Variants in HMGCLL1 observed in about 807,000 individuals in gnomAD.
HMGCLL1 encodes the protein 3-hydroxymethyl-3-methylglutaryl-CoA lyase, cytoplasmic.
Under a neutral mutation model 39.1 loss-of-function variants are expected in HMGCLL1, and 36 were observed. The ratio of observed to expected loss-of-function variants is 0.92; its 90% CI spans 0.71 to 1.22. The LOEUF (loss-of-function observed/expected upper bound fraction) is 1.22, where lower values mean the gene tolerates loss of function less well. Among genes scored for constraint, HMGCLL1 ranks in the 50% most tolerant of loss-of-function variants. HMGCLL1 has a pLI of 0.00. For synonymous variants in HMGCLL1, 149 were observed against 144.0 expected (o/e 1.03, Z -0.25); for missense variants, 451 against 416.5 (o/e 1.08, Z -0.72).
At chr6:55,479,968 CA>C (rs1561907428) in intron 7 of HMGCLL1, among the ~76,000 whole-genome samples, 3 of 151,416 alleles carry the variant, frequency 2.0e-5, no homozygotes, top group Non-Finnish European at 4.4e-5. Flanking sequence ...TTTTTTCCTT[CA>C]AAAATTTAAA....
chr6:55,537,097 G>GT (rs1769078098), intron 3 of HMGCLL1, among the ~76,000 whole-genome samples: 1 of 148,958 alleles, frequency 6.7e-6, no homozygotes. Flanking sequence ...GACTTCATAA[G>GT]ATTTTTTTTC....
the HMGCLL1 span, among the ~76,000 whole-genome samples, chr6:55,608,246 G>C: frequency 1.3e-5 from 2 of 152,094 alleles, no homozygotes; most frequent in African/African-American, 4.8e-5. Flanking sequence ...TGTACTCCAT[G>C]GGGACACTGT....
chr6:55,669,892 T>C, the HMGCLL1 span, among the ~76,000 whole-genome samples: 1 of 151,810 alleles, frequency 6.6e-6, no homozygotes, highest in Non-Finnish European at 1.5e-5. Context: ...ATGATGTTGT[T>C]GAAGTCCCGG....
At chr6:55,461,955 C>T (rs768575819) in intron 7 of HMGCLL1, among the ~76,000 whole-genome samples, 4 of 152,052 alleles carry the variant, frequency 2.6e-5, no homozygotes, top group Non-Finnish European at 4.4e-5. Context: ...TGATTGTTAA[C>T]TAATATGGCA....
chr6:55,502,124 G>T (rs1766922285), intron 5 of HMGCLL1, among the ~76,000 whole-genome samples: 1 of 151,670 alleles, frequency 6.6e-6, no homozygotes, highest in African/African-American at 2.4e-5. Context: ...GTCAGCAAAT[G>T]GTTTCATTTC....
the HMGCLL1 span, among the ~76,000 whole-genome samples, chr6:55,636,307 T>TAAAC: frequency 6.6e-6 from 1 of 152,150 alleles, no homozygotes; most frequent in South Asian, 2.1e-4. Context: ...AGGGTATATG[T>TAAAC]AAACATTCAG....
At chr6:55,510,316 A>C (rs1348523582) in intron 5 of HMGCLL1, among the ~76,000 whole-genome samples, 1 of 151,960 alleles carries the variant, frequency 6.6e-6, no homozygotes, top group Non-Finnish European at 1.5e-5. Context: ...ACTATAAATC[A>C]TGCTGCTATA....
At chr6:55,475,597 A>G (rs1481235916) in intron 7 of HMGCLL1, among the ~76,000 whole-genome samples, 1 of 151,650 alleles carries the variant, frequency 6.6e-6, no homozygotes, top group Non-Finnish European at 1.5e-5. Context: ...AACTCTTTAC[A>G]TTTGGAGCTA....
the HMGCLL1 span, among the ~76,000 whole-genome samples, chr6:55,609,349 C>A: frequency 3.2e-4 from 48 of 152,186 alleles, 1 homozygote; most frequent in African/African-American, 1.1e-3. Context: ...CTGCTGGAGC[C>A]GGGGAAACTG....
intron 7 of HMGCLL1, among the ~76,000 whole-genome samples, chr6:55,459,818 T>TGTAG (rs146634116): frequency 0.08 from 12,228 of 151,988 alleles, 548 homozygotes; most frequent in African/African-American, 0.12. Flanking sequence ...TTGTTGAATA[T>TGTAG]ATATACAGAT....
chr6:55,555,969 G>A (rs59493948), intron 1 of HMGCLL1, among the ~76,000 whole-genome samples: 3,887 of 152,174 alleles, frequency 0.026, 164 homozygotes, highest in African/African-American at 0.089. Flanking sequence ...TGGTATTACT[G>A]GCCATAATAA....
chr6:55,612,704 G>T, the HMGCLL1 span, among the ~76,000 whole-genome samples: 1 of 152,120 alleles, frequency 6.6e-6, no homozygotes, highest in Non-Finnish European at 1.5e-5. Flanking sequence ...ATGGGGAAAG[G>T]ATTCCCTATT....
intron 7 of HMGCLL1, among the ~76,000 whole-genome samples, chr6:55,490,658 T>C (rs1356937168): frequency 2.0e-5 from 3 of 152,158 alleles, no homozygotes; most frequent in Admixed American, 1.3e-4. Flanking sequence ...CTTTTATATG[T>C]GTTATTTTTA....
the HMGCLL1 span, among the ~76,000 whole-genome samples, chr6:55,614,271 T>C: frequency 6.6e-6 from 1 of 152,144 alleles, no homozygotes; most frequent in Non-Finnish European, 1.5e-5. Flanking sequence ...ATTTAGTTCA[T>C]GAGAGTGGAG....
chr6:55,459,848 T>G (rs73447015), intron 7 of HMGCLL1, among the ~76,000 whole-genome samples: 12,218 of 152,002 alleles, frequency 0.08, 549 homozygotes, highest in African/African-American at 0.12. Context: ...GGTAGGTAAA[T>G]ATATAGATAT....
the HMGCLL1 span, among the ~76,000 whole-genome samples, chr6:55,591,509 A>T: frequency 6.6e-6 from 1 of 151,872 alleles, no homozygotes; most frequent in Non-Finnish European, 1.5e-5. Flanking sequence ...CATTTATAAA[A>T]ACATCTATGT....
At chr6:55,537,995 G>C (rs1258895465) in intron 3 of HMGCLL1, among the ~76,000 whole-genome samples, 1 of 152,056 alleles carries the variant, frequency 6.6e-6, no homozygotes. Flanking sequence ...CTCACAAAGG[G>C]ACTGCCTTTT....
At chr6:55,567,460 A>C (rs1771273440) in intron 1 of HMGCLL1, among the ~76,000 whole-genome samples, 1 of 152,124 alleles carries the variant, frequency 6.6e-6, no homozygotes, top group Non-Finnish European at 1.5e-5. Context: ...AAAATCATCA[A>C]TCATCTTACT....
chr6:55,557,387 T>C (rs1391550472), intron 1 of HMGCLL1, among the ~76,000 whole-genome samples: 2 of 152,104 alleles, frequency 1.3e-5, no homozygotes, highest in Non-Finnish European at 2.9e-5. Flanking sequence ...TCTGTGCTCC[T>C]GGGCAGTGCT....
Sources: gnomAD v4.1 joint callset for allele counts (sites outside exome capture counted in the v4.1 genomes callset) on GRCh38, gnomAD v4.1.1 for gene constraint, MANE v1.5 for transcripts, NCBI Gene and HGNC (gene_info 2026-07-23, HGNC 2026-07-21) for gene names.